Variants in DLGAP2 observed in about 807,000 individuals in gnomAD.
The protein encoded by DLGAP2 is DLG associated protein 2.
DLGAP2 carries 26 observed loss-of-function variants against 100.3 expected under a neutral mutation model. The observed-to-expected ratio is 0.26, with a 90% CI of 0.19 to 0.36. DLGAP2 has a LOEUF of 0.36. Ranked by LOEUF, DLGAP2 falls within the 10% of genes least tolerant of loss-of-function variation. The pLI, the probability that DLGAP2 is intolerant of heterozygous loss-of-function variation, is 1.00. For missense variants in DLGAP2, 1,858 were observed against 1,453.2 expected (o/e 1.28, Z -4.53); for synonymous variants, 886 against 630.1 (o/e 1.41, Z -6.08).
intron 2 of DLGAP2, among the ~76,000 whole-genome samples, chr8:1,058,485 C>T (rs1277609539): frequency 6.6e-6 from 1 of 152,190 alleles, no homozygotes; most frequent in East Asian, 1.9e-4. Flanking sequence ...TGCCCATGCA[C>T]CCATTCTCAG....
intron 3 of DLGAP2, among the ~76,000 whole-genome samples, chr8:1,340,678 T>C (rs1399791017): frequency 3.3e-5 from 5 of 152,212 alleles, no homozygotes; most frequent in Admixed American, 6.5e-5. Flanking sequence ...TGGTGGTTCC[T>C]TGGAGACCTA....
intron 8 of DLGAP2, among the ~76,000 whole-genome samples, chr8:1,660,179 T>C (rs1798377802): frequency 6.6e-6 from 1 of 152,224 alleles, no homozygotes; most frequent in Non-Finnish European, 1.5e-5. Flanking sequence ...CCCCACTCTC[T>C]TCTGGCTTGT....
intron 3 of DLGAP2, among the ~76,000 whole-genome samples, chr8:1,332,636 T>A (rs1801185259): frequency 6.6e-6 from 1 of 152,182 alleles, no homozygotes; most frequent in African/African-American, 2.4e-5. Flanking sequence ...GTCACACGTC[T>A]AAGTGACTGG....
chr8:1,044,098 T>A (rs912181918), intron 2 of DLGAP2, among the ~76,000 whole-genome samples: 1 of 152,082 alleles, frequency 6.6e-6, no homozygotes, highest in Admixed American at 6.6e-5. Flanking sequence ...TCCTGCTGGA[T>A]GTGAAGCTCA....
intron 2 of DLGAP2, among the ~76,000 whole-genome samples, chr8:1,204,539 C>CG: frequency 6.6e-6 from 1 of 151,554 alleles, no homozygotes; most frequent in Non-Finnish European, 1.5e-5. Flanking sequence ...ACAAAGAACA[C>CG]TTGTGTGTGT....
chr8:1,066,070 G>A (rs1803235984), intron 2 of DLGAP2, among the ~76,000 whole-genome samples: 1 of 152,224 alleles, frequency 6.6e-6, no homozygotes, highest in Admixed American at 6.5e-5. Flanking sequence ...GTCTGAGCGA[G>A]GACAGTTCCC....
chr8:837,761 G>T (rs952353117), intron 1 of DLGAP2, among the ~76,000 whole-genome samples: 1 of 150,378 alleles, frequency 6.6e-6, no homozygotes, highest in Admixed American at 6.6e-5. Context: ...CTGTTGCCCA[G>T]GCTGGAGTGC....
intron 13 of DLGAP2, 49 bp downstream of exon 13, chr8:1,691,675 G>A (rs1464531938): frequency 2.8e-6 from 4 of 1,426,272 alleles, no homozygotes; most frequent in Non-Finnish European, 9.8e-7. Flanking sequence ...AAGCTAATGG[G>A]CATCATTCCA....
At chr8:1,342,945 C>T (rs571816407) in intron 3 of DLGAP2, among the ~76,000 whole-genome samples, 11 of 149,684 alleles carry the variant, frequency 7.3e-5, no homozygotes, top group East Asian at 3.9e-4. Flanking sequence ...TCTCTTTTTC[C>T]GTAATTGTAG....
intron 2 of DLGAP2, among the ~76,000 whole-genome samples, chr8:1,161,552 T>C (rs2129052691): frequency 6.6e-6 from 1 of 152,296 alleles, no homozygotes; most frequent in South Asian, 2.1e-4. Context: ...CACACTCACA[T>C]TTCAGGTAGA....
intron 4 of DLGAP2, among the ~76,000 whole-genome samples, chr8:1,507,980 G>A (rs960651250): frequency 1.3e-5 from 2 of 151,950 alleles, no homozygotes; most frequent in Non-Finnish European, 2.9e-5. Context: ...CACATGAAAG[G>A]CCTAGTCTGT....
chr8:1,481,028 T>C (rs981648787), intron 3 of DLGAP2, among the ~76,000 whole-genome samples: 5 of 150,618 alleles, frequency 3.3e-5, no homozygotes, highest in South Asian at 2.1e-4. Flanking sequence ...AAAAATTAGC[T>C]GGGCGTGGTG....
At chr8:1,622,363 G>C (rs1797366857) in intron 6 of DLGAP2, 1 of 152,168 alleles carries the variant, frequency 6.6e-6, no homozygotes. Flanking sequence ...TGCTTTCCAA[G>C]GTAACAAGGG....
At chr8:1,640,269 T>C (rs1354688856) in intron 8 of DLGAP2, among the ~76,000 whole-genome samples, 1 of 151,896 alleles carries the variant, frequency 6.6e-6, no homozygotes, top group East Asian at 1.9e-4. Context: ...AGGCTCAGAG[T>C]TCACCCTGGG....
At chr8:1,207,882 A>G (rs974932506) in intron 2 of DLGAP2, among the ~76,000 whole-genome samples, 1 of 152,048 alleles carries the variant, frequency 6.6e-6, no homozygotes, top group Non-Finnish European at 1.5e-5. Flanking sequence ...AGATTTGCCT[A>G]TTCCTGTCCC....
At chr8:997,773 A>G (rs935286694) in intron 2 of DLGAP2, among the ~76,000 whole-genome samples, 5 of 152,194 alleles carry the variant, frequency 3.3e-5, no homozygotes, top group Non-Finnish European at 5.9e-5. Flanking sequence ...TTTCTCGTGC[A>G]TTTTCTCCTC....
At chr8:1,651,927 A>G (rs1283524347) in intron 8 of DLGAP2, among the ~76,000 whole-genome samples, 1 of 152,174 alleles carries the variant, frequency 6.6e-6, no homozygotes, top group Non-Finnish European at 1.5e-5. Context: ...CCTTTGCATG[A>G]GGCAGCACTC....
At chr8:1,130,881 C>A (rs1462577146) in intron 2 of DLGAP2, among the ~76,000 whole-genome samples, 1 of 140,090 alleles carries the variant, frequency 7.1e-6, no homozygotes, top group Non-Finnish European at 1.6e-5. Flanking sequence ...AGCATGACCC[C>A]TAGCTCGGCA....
chr8:853,836 G>A (rs925262703), intron 1 of DLGAP2, among the ~76,000 whole-genome samples: 1 of 152,156 alleles, frequency 6.6e-6, no homozygotes, highest in African/African-American at 2.4e-5. Context: ...TCTCTGTGGT[G>A]GGCTGAAGGT....
Sources: gnomAD v4.1 joint callset for allele counts (sites outside exome capture counted in the v4.1 genomes callset) on GRCh38, gnomAD v4.1.1 for gene constraint, MANE v1.5 for transcripts, NCBI Gene and HGNC (gene_info 2026-07-23, HGNC 2026-07-21) for gene names.